SNX24: variants seen among roughly 807,000 people sequenced by gnomAD.
SNX24 encodes sorting nexin 24, also known as sorting nexin-24.
SNX24 carries 22 observed loss-of-function variants against 28.7 expected under a neutral mutation model. The observed-to-expected ratio is 0.77, with a 90% confidence interval of 0.55 to 1.10. The LOEUF is 1.10. Ranked by LOEUF, SNX24 falls within the 50% of genes least tolerant of loss-of-function variation. The pLI is 0.00. For missense variants in SNX24, 221 were observed against 201.1 expected, an observed-to-expected ratio of 1.10 and a Z score of -0.60; for synonymous variants, 69 against 71.5, an observed-to-expected ratio of 0.96 and a Z score of 0.18.
intron 1 of SNX24, among the ~76,000 whole-genome samples, chr5:122,878,396 A>G (rs1398533163): frequency 6.6e-6 from 1 of 152,138 alleles, no homozygotes; most frequent in African/African-American, 2.4e-5. Flanking sequence ...GGAGAGAGTG[A>G]GGACCCTGCC....
chr5:122,848,541 TA>T (rs33950601), intron 1 of SNX24, among the ~76,000 whole-genome samples: 162 of 135,120 alleles, frequency 1.2e-3, no homozygotes, highest in Non-Finnish European at 1.2e-3. Context: ...CATCTCTACT[TA>T]AAAAAAAAAA....
intron 3 of SNX24, among the ~76,000 whole-genome samples, chr5:122,995,973 C>T (rs967832326): frequency 6.6e-6 from 1 of 152,136 alleles, no homozygotes; most frequent in South Asian, 2.1e-4. Context: ...TCATACTTTC[C>T]TTAATGTTTT....
chr5:123,025,990 AGTCAACAGAT>A (rs1419720040), intron 5 of SNX24: 1 of 1,571,408 alleles, frequency 6.4e-7, no homozygotes, highest in Non-Finnish European at 8.6e-7. Context: ...CAAGGAAGAA[AGTCAACAGAT>A]GTCTTCCAAA....
Position 122,973,233 on chromosome 5 carries a change from AT to A in SNX24, c.250-26678del, listed in dbSNP as rs978729953. 8.9e-4 allele frequency among the ~76,000 whole-genome samples: 135 copies of A among 152,362 alleles called. 2 individuals carry two copies. Among genetic ancestry groups the A allele is most frequent in the African/African-American group, 3.2e-3 (133 of 41,584 alleles). On this transcript the variant is annotated intron_variant, in intron 3 of 6. Coordinates refer to ENST00000261369, the MANE Select transcript of SNX24 (RefSeq NM_014035.4). ...TCATGCTTCTTCCAAGTCCCTGACC[AT>A]CAAGCCAAACCATTGGCTATAGCCC... is the stretch of plus-strand genomic sequence containing the variant.
At chr5:122,911,813 T>C (rs1451254252) in intron 1 of SNX24, among the ~76,000 whole-genome samples, 1 of 111,518 alleles carries the variant, frequency 9.0e-6, no homozygotes, top group South Asian at 3.6e-4. Flanking sequence ...GGCTCTGTTC[T>C]GTTCCATTGA....
chr5:122,860,971 T>C lies in SNX24; in HGVS notation c.60+15278T>C, dbSNP rs376223305. Among the ~76,000 whole-genome samples, 16 of 152,326 alleles carry C rather than the reference T, an allele frequency of 1.1e-4. 2 individuals carry two copies. Among genetic ancestry groups the C allele is most frequent in the East Asian group, 3.9e-4 (2 of 5,186 alleles). ...ATGTCATCTCATAGTAACTGAGAAT[T>C]AATTTTAGTTTCACTCAGGTGGGGT... On this transcript the variant is annotated intron_variant, in intron 1 of 6. Coordinates refer to ENST00000261369, the MANE Select transcript of SNX24 (RefSeq NM_014035.4).
At chr5:122,929,528 G>A (rs1048768455) in intron 1 of SNX24, among the ~76,000 whole-genome samples, 20 of 151,950 alleles carry the variant, frequency 1.3e-4, no homozygotes, top group South Asian at 1.0e-3. Context: ...CCAAATGGAC[G>A]TTCTTTTCTT....
At chr5:123,012,925 A>G (rs867774332), downstream of SNX24, among the ~76,000 whole-genome samples, 1 of 152,210 alleles carries the variant, frequency 6.6e-6, no homozygotes, top group Non-Finnish European at 1.5e-5. Context: ...AACACCACCC[A>G]GTTCACTCTG....
At chr5:123,026,050 T>A (rs918630397) in intron 5 of SNX24, 1 of 1,211,008 alleles carries the variant, frequency 8.3e-7, no homozygotes, top group East Asian at 2.6e-5. Context: ...CTTAGAGGAA[T>A]CAATTACTAG....
intron 3 of SNX24, among the ~76,000 whole-genome samples, chr5:122,995,063 T>C (rs1274155084): frequency 6.6e-6 from 1 of 152,214 alleles, no homozygotes; most frequent in Non-Finnish European, 1.5e-5. Context: ...GGAAATTTCT[T>C]TAGTGCATTT....
At chr5:122,865,079 T>C (rs1755655404) in intron 1 of SNX24, among the ~76,000 whole-genome samples, 1 of 152,228 alleles carries the variant, frequency 6.6e-6, no homozygotes, top group African/African-American at 2.4e-5. Flanking sequence ...TTCAGAATGA[T>C]GGCATTGTTT....
chr5:122,976,416 T>C (rs1210792190), intron 3 of SNX24, among the ~76,000 whole-genome samples: 1 of 152,244 alleles, frequency 6.6e-6, no homozygotes, highest in Non-Finnish European at 1.5e-5. Flanking sequence ...TCTGTTGTTA[T>C]TCTTCTTTTA....
chr5:123,002,105 G>A (rs1018445322), intron 6 of SNX24, 101 bp downstream of exon 6: 20 of 924,044 alleles, frequency 2.2e-5, no homozygotes, highest in Non-Finnish European at 3.0e-5. Context: ...CATTGGTCCC[G>A]GGCTTAATAA....
chr5:123,008,322 C>A lies in SNX24; in HGVS notation c.*573C>A, dbSNP rs1762484377. 2.0e-6 allele frequency: 2 copies of A among 981,450 alleles called. No individual in the cohort carries two copies. Among genetic ancestry groups the A allele is most frequent in the Non-Finnish European group, 2.4e-6 (2 of 826,508 alleles). The allele number at this position is 981,450 out of a possible 1,614,324, so 60.8% of individuals were successfully genotyped here. ...TATTATGGCATTTTTAAGATCATGG[C>A]ATTTTAATTTACATTAGAGTGGAGT... On this transcript the variant is annotated 3_prime_UTR_variant, in exon 7 of 7. Coordinates refer to ENST00000261369, the MANE Select transcript of SNX24 (RefSeq NM_014035.4).
intron 3 of SNX24, among the ~76,000 whole-genome samples, chr5:122,995,867 C>T (rs1036407149): frequency 5.9e-5 from 9 of 152,136 alleles, no homozygotes; most frequent in African/African-American, 1.7e-4. Context: ...CTGATCCCAT[C>T]GCTACCCTGC....
At chr5:123,010,906 C>T (rs1762562266), downstream of SNX24, among the ~76,000 whole-genome samples, 1 of 150,962 alleles carries the variant, frequency 6.6e-6, no homozygotes, top group African/African-American at 2.4e-5. Context: ...ATATAAAGTG[C>T]TATTCTCTTT....
intron 1 of SNX24, among the ~76,000 whole-genome samples, chr5:122,903,691 C>A (rs2150082176): frequency 6.6e-6 from 1 of 152,170 alleles, no homozygotes; most frequent in South Asian, 2.1e-4. Flanking sequence ...TCCTAATTAA[C>A]CTTAAGTTTT....
intron 1 of SNX24, among the ~76,000 whole-genome samples, chr5:122,874,128 C>T (rs1317935979): frequency 2.0e-5 from 3 of 152,130 alleles, no homozygotes; most frequent in Non-Finnish European, 4.4e-5. Flanking sequence ...ATCAGCTCAT[C>T]CTGTATTGCT....
chr5:122,857,880 T>C (rs941630147), intron 1 of SNX24, among the ~76,000 whole-genome samples: 3 of 152,132 alleles, frequency 2.0e-5, no homozygotes, highest in Non-Finnish European at 2.9e-5. Context: ...CCTCCTGGGT[T>C]CAAGCGATTC....
Sources: allele counts gnomAD v4.1 joint callset (sites outside exome capture counted in the v4.1 genomes callset), GRCh38; gene constraint gnomAD v4.1.1; transcripts MANE v1.5; gene names NCBI Gene and HGNC (gene_info 2026-07-23, HGNC 2026-07-21).